Variants in BRF1 observed in about 807,000 individuals in gnomAD.
BRF1 encodes BRF1 general transcription factor IIIB subunit.
A neutral mutation model predicts 81.7 loss-of-function variants in BRF1; 59 were observed. The observed-to-expected ratio is 0.72, with a 90% confidence interval of 0.59 to 0.90. The LOEUF is 0.90. Ranked by LOEUF, BRF1 falls within the 40% of genes least tolerant of loss-of-function variation. The probability of loss-of-function intolerance (pLI) is 0.00; values close to 1 mark genes in which losing one functional copy is unlikely to be tolerated. For synonymous variants in BRF1, 491 were observed against 395.6 expected (o/e 1.24, Z -2.86); for missense variants, 1,050 against 936.3 (o/e 1.12, Z -1.58).
intron 4 of BRF1, 111 bp from the exon 5 acceptor site, chr14:105,252,690 T>C: frequency 1.7e-6 from 2 of 1,167,766 alleles, no homozygotes; most frequent in Non-Finnish European, 2.4e-6. Context: ...CGATGGCCCG[T>C]GGAGCAGCCA....
chr14:105,273,895 G>A (rs113156533), intron 2 of BRF1, among the ~76,000 whole-genome samples: 5,400 of 152,282 alleles, frequency 0.035, 174 homozygotes, highest in African/African-American at 0.085. Flanking sequence ...CCCGACACCC[G>A]TGAAGGGTCT....
At chr14:105,272,520 C>T (rs587752612) in intron 3 of BRF1, among the ~76,000 whole-genome samples, 2 of 152,370 alleles carry the variant, frequency 1.3e-5, no homozygotes, top group African/African-American at 4.8e-5. Flanking sequence ...GGCAGGTGCC[C>T]AGCTCCCCAG....
intron 15 of BRF1, among the ~76,000 whole-genome samples, chr14:105,214,798 A>AC (rs1483190035): frequency 6.6e-6 from 1 of 152,174 alleles, no homozygotes; most frequent in Non-Finnish European, 1.5e-5. Context: ...CCTCAGCTGA[A>AC]CCCCTCCTTG....
chr14:105,266,468 G>T (rs587724658), intron 3 of BRF1, among the ~76,000 whole-genome samples: 2 of 151,846 alleles, frequency 1.3e-5, no homozygotes, highest in South Asian at 4.2e-4. Flanking sequence ...CAGATTAAGG[G>T]GAAAATGTAC....
Position 105,287,791 on chromosome 14 carries a change from C to G in BRF1, c.185-1415G>C, listed in dbSNP as rs185593572. Among the ~76,000 whole-genome samples the G allele has an allele frequency of 3.0e-3, 460 of 152,318 alleles. 1 individual carries two copies. Among genetic ancestry groups the G allele is most frequent in the African/African-American group, 0.01 (433 of 41,570 alleles). Reference sequence around the variant, plus strand: ...ACTCCAGTAAAATGATTCTAAAGTTCAGTTGGAAGCAAAAAGGAATTAGAG... The same window carrying G: ...ACTCCAGTAAAATGATTCTAAAGTTGAGTTGGAAGCAAAAAGGAATTAGAG... On this transcript the variant is annotated intron_variant, in intron 1 of 17. Coordinates refer to ENST00000547530, the MANE Select transcript of BRF1 (RefSeq NM_001519.4).
intron 12 of BRF1, 34 bp downstream of exon 12, chr14:105,220,035 C>A (rs746956644): frequency 6.2e-7 from 1 of 1,608,170 alleles, no homozygotes; most frequent in Non-Finnish European, 8.5e-7. Flanking sequence ...CCTCCCAAGC[C>A]CAGCCCCTCT....
rs772736621 is a variant in BRF1 at position 105,219,053 on chromosome 14, T to A, written c.1460A>T (p.Glu487Val). The A allele has an allele frequency of 6.2e-7, 1 of 1,613,876 alleles. No individual in the cohort carries two copies. Among genetic ancestry groups the A allele is most frequent in the Admixed American group, 1.7e-5 (1 of 60,018 alleles). ...ENAEYLREQREKEARIAKEKE... is the reference protein window; with the variant it reads ...ENAEYLREQRVKEARIAKEKE... ...CTCTTTCGCTATTCTTGCTTCTTTT[T>A]CTAAAAGTTCAGAAAGGGGGCCAGC... Residue 487 changes from glutamate to valine, a missense_variant and splice_region_variant, in exon 14 of 18, where the codon GAA becomes GTA. By Grantham distance (121) the Glu-to-Val change is moderately radical. Around this residue, in one of 2 missense-constraint regions of BRF1, gnomAD observed 1,043 missense variants for 915.4 expected, o/e 1.14. Transcript: ENST00000547530.
intron 10 of BRF1, among the ~76,000 whole-genome samples, chr14:105,223,815 T>C (rs1892676221): frequency 6.6e-6 from 1 of 152,210 alleles, no homozygotes; most frequent in Non-Finnish European, 1.5e-5. Context: ...AATAAGGCTG[T>C]TAAAAATCAC....
At chr14:105,225,456 A>G (rs1370263733) in intron 10 of BRF1, among the ~76,000 whole-genome samples, 1 of 152,188 alleles carries the variant, frequency 6.6e-6, no homozygotes, top group Non-Finnish European at 1.5e-5. Context: ...GCTCATCAGC[A>G]TTAACATCAA....
At chr14:105,241,525 A>G (rs2054644536) in intron 5 of BRF1, 111 bp from the exon 6 acceptor site, 15 of 1,396,316 alleles carry the variant, frequency 1.1e-5, no homozygotes, top group Non-Finnish European at 1.5e-5. Context: ...CCAGGCCCCC[A>G]GGCCCCCCAC....
intron 1 of BRF1, among the ~76,000 whole-genome samples, chr14:105,289,427 T>G (rs2057433862): frequency 6.6e-6 from 1 of 152,034 alleles, no homozygotes; most frequent in African/African-American, 2.4e-5. Context: ...AGGGCCACAG[T>G]GAGGTGCCTG....
Position 105,226,284 on chromosome 14 carries a change from G to C in BRF1, c.922C>G (p.Gln308Glu), listed in dbSNP as rs1374120474. 9.9e-6 allele frequency: 16 copies of C among 1,614,092 alleles called. No homozygotes were observed. Among genetic ancestry groups the C allele is most frequent in the Non-Finnish European group, 1.4e-5 (16 of 1,180,040 alleles). ...TCCTCCAGTTTTTTTGACAGGACTT[G>C]TTCAAGCTGAAAGGGAACAGGGCAA... is the stretch of plus-strand genomic sequence containing the variant. ...QRKLRMKQLE[Q>E]VLSKKLEEVE... The change falls in exon 9 of 18, where the codon CAA (glutamine) becomes GAA (glutamate). Residue 308 changes from glutamine (Q) to glutamate (E), a missense_variant. By Grantham distance (29) the Gln-to-Glu change is conservative (BLOSUM62 2). Transcript: ENST00000547530.
Position 105,256,640 on chromosome 14 carries a change from CA to C in BRF1, c.440-92del. On this transcript the variant is annotated intron_variant, in intron 3 of 17. Coordinates refer to ENST00000547530, the MANE Select transcript of BRF1 (RefSeq NM_001519.4). ...GGGCAGGACCGCAGGACTGCACCTG[CA>C]GGGAGCTGGAGTCGCCCCTCCAAAT... 4.5e-6 allele frequency: 7 copies of C among 1,547,896 alleles called. No homozygotes were observed. In the South Asian group the frequency reaches 4.9e-5, roughly 11 times the overall value.
rs587741710 is a variant in BRF1, at chr14:105,215,866, GCA to G, written c.1772+1676_1772+1677del. On this transcript the variant is annotated intron_variant, in intron 15 of 17. Coordinates refer to ENST00000547530, the MANE Select transcript of BRF1 (RefSeq NM_001519.4). Reference sequence around the variant, plus strand: ...CACAGACACAGGCACACACACACATGCACACACACGCTGCAGGCATACAGACA... The same window carrying G: ...CACAGACACAGGCACACACACACATGCACACACGCTGCAGGCATACAGACA... Among the ~76,000 whole-genome samples the G allele has an allele frequency of 8.5e-3, 821 of 96,118 alleles. 39 individuals are homozygous for G. Among genetic ancestry groups the G allele is most frequent in the Admixed American group, 0.078 (679 of 8,704 alleles). 63.1% of individuals were successfully genotyped at this position (96,118 alleles called of 152,430 possible). A position where few individuals can be genotyped will look rare whatever the true frequency, so the allele number is the denominator to read the frequency against.
At chr14:105,270,302 T>C (rs1465146491) in intron 3 of BRF1, among the ~76,000 whole-genome samples, 1 of 151,318 alleles carries the variant, frequency 6.6e-6, no homozygotes, top group African/African-American at 2.4e-5. Context: ...GCCTCCCGAG[T>C]AGCTGGGACT....
At chr14:105,220,571 G>A (rs1216902694) in intron 11 of BRF1, among the ~76,000 whole-genome samples, 1 of 152,152 alleles carries the variant, frequency 6.6e-6, no homozygotes. Context: ...TGAGGGAATA[G>A]AAATGATTCC....
chr14:105,219,336 G>C, intron 12 of BRF1, 104 bp from the exon 13 acceptor site: 2 of 1,557,146 alleles, frequency 1.3e-6, no homozygotes, highest in Non-Finnish European at 1.7e-6. Context: ...TAGAGGAAGG[G>C]GAACCCGGGG....
At chr14:105,212,319 T>C (rs1890248832) in intron 15 of BRF1, 155 bp from the exon 16 acceptor site, 1 of 934,012 alleles carries the variant, frequency 1.1e-6, no homozygotes, top group Admixed American at 2.3e-5. Flanking sequence ...GTGTGCTCCA[T>C]CAGTGCTCAC....
At chr14:105,254,228 T>C (rs918963472) in intron 4 of BRF1, among the ~76,000 whole-genome samples, 1 of 152,190 alleles carries the variant, frequency 6.6e-6, no homozygotes, top group Non-Finnish European at 1.5e-5. Flanking sequence ...TAAAAAGCCA[T>C]GTGTGCAAAA....
Sources: gnomAD v4.1 joint callset for allele counts (sites outside exome capture counted in the v4.1 genomes callset) on GRCh38, gnomAD v4.1.1 for gene constraint, gnomAD v4.1.1 regional missense constraint, MANE v1.5 for transcripts, NCBI Gene and HGNC (gene_info 2026-07-23, HGNC 2026-07-21) for gene names.